PLEKHF1: variants seen among roughly 807,000 people sequenced by gnomAD.
The protein encoded by PLEKHF1 is pleckstrin homology domain-containing family F member 1.
A neutral mutation model predicts 4.1 loss-of-function variants in PLEKHF1; 1 was observed. The ratio of observed to expected loss-of-function variants is 0.24; its 90% CI spans 0.09 to 1.15. PLEKHF1 has a LOEUF of 1.15. Among genes scored for constraint, PLEKHF1 ranks in the 50% most tolerant of loss-of-function variants. The pLI is 0.52. For synonymous variants in PLEKHF1, 182 were observed against 178.5 expected (o/e 1.02, Z -0.16); for missense variants, 429 against 400.6 (o/e 1.07, Z -0.60).
At chr19:29,668,789 GA>G (rs951626487) in intron 1 of PLEKHF1, among the ~76,000 whole-genome samples, 11 of 151,986 alleles carry the variant, frequency 7.2e-5, no homozygotes, top group Non-Finnish European at 1.5e-4. Context: ...TATTTGCCAA[GA>G]AAAACCTACA....
intron 1 of PLEKHF1, among the ~76,000 whole-genome samples, chr19:29,667,768 G>A (rs1050294412): frequency 2.0e-5 from 3 of 152,220 alleles, no homozygotes; most frequent in African/African-American, 7.2e-5. Flanking sequence ...AGTACCTTGT[G>A]TGGCCTGTTC....
chr19:29,669,462 C>A (rs568572260), intron 1 of PLEKHF1, among the ~76,000 whole-genome samples: 1 of 152,220 alleles, frequency 6.6e-6, no homozygotes, highest in Non-Finnish European at 1.5e-5. Context: ...TGGGGGCACA[C>A]GTGGCCTTGC....
At chr19:29,669,737 T>TG (rs1240139294) in intron 1 of PLEKHF1, among the ~76,000 whole-genome samples, 1 of 152,204 alleles carries the variant, frequency 6.6e-6, no homozygotes, top group African/African-American at 2.4e-5. Flanking sequence ...TTAAAAAAAC[T>TG]TTTTTAAAAA....
intron 1 of PLEKHF1, among the ~76,000 whole-genome samples, chr19:29,669,747 A>G (rs144211375): frequency 8.5e-5 from 13 of 152,340 alleles, no homozygotes; most frequent in Middle Eastern, 3.4e-3. Context: ...TTTTTTAAAA[A>G]TGAAACCTTA....
rs749621521 is a variant in PLEKHF1 at position 29,674,729 on chromosome 19, C to T, written c.*50C>T. Reference sequence around the variant, plus strand: ...CCCAAGCCAGCTCCACTGCCCAGGCCCCCAAGAGGGCAGCTCCAGAAGCTG... The same window carrying T: ...CCCAAGCCAGCTCCACTGCCCAGGCTCCCAAGAGGGCAGCTCCAGAAGCTG... On this transcript the variant is annotated 3_prime_UTR_variant, in exon 2 of 2. Coordinates refer to ENST00000436066, the MANE Select transcript of PLEKHF1 (RefSeq NM_024310.5). 9.1e-6 allele frequency: 14 copies of T among 1,531,460 alleles called. No individual in the cohort carries two copies. The highest frequency in any genetic ancestry group is 7.6e-5 in the South Asian group (6 of 79,244). The allele number at this position is 1,531,460 out of a possible 1,614,324, so 94.9% of individuals were successfully genotyped here.
chr19:29,674,825 G>T lies in PLEKHF1; in HGVS notation c.*146G>T. 1 of 1,244,244 alleles carries T rather than the reference G, an allele frequency of 8.0e-7. No individual in the cohort carries two copies. The highest frequency in any genetic ancestry group is 1.1e-6 in the Non-Finnish European group (1 of 916,216). 77.1% of individuals were successfully genotyped at this position (1,244,244 alleles called of 1,614,324 possible). ...GGGAGTGGCTCTTTCTGGACTCCCA[G>T]TGCCTTTTTGCTGGACACTGTGTCC... On this transcript the variant is annotated 3_prime_UTR_variant, in exon 2 of 2. Coordinates refer to ENST00000436066, the MANE Select transcript of PLEKHF1 (RefSeq NM_024310.5).
chr19:29,673,905 C>T lies in PLEKHF1; in HGVS notation c.66C>T (p.Phe22=), dbSNP rs749347941. 1.5e-5 allele frequency: 24 copies of T among 1,612,260 alleles called. No homozygotes were observed. The highest frequency in any genetic ancestry group is 4.4e-5 in the South Asian group (4 of 90,992). The change falls in exon 2 of 2, where the codon TTC becomes TTT. Residue 22 remains phenylalanine (F), a synonymous_variant. Coordinates refer to ENST00000436066, the MANE Select transcript of PLEKHF1 (RefSeq NM_024310.5). ...GCATCGCGGCAGTGGAGAGCTGCTTCGGGGCCTCGGGGCAGCCGCTGGCGC... is the reference window on the plus strand; with the variant it reads ...GCATCGCGGCAGTGGAGAGCTGCTTTGGGGCCTCGGGGCAGCCGCTGGCGC... The part of the protein sequence containing the change: ...SQRIAAVESC[F]GASGQPLALP...
At position 29,674,686 on chromosome 19, in the gene PLEKHF1, G is replaced by C. The variant is rs745924165; in HGVS notation, c.*7G>C. 6.3e-7 allele frequency: 1 copy of C among 1,589,188 alleles called. No homozygotes were observed. Among genetic ancestry groups the C allele is most frequent in the Non-Finnish European group, 8.6e-7 (1 of 1,165,642 alleles). On this transcript the variant is annotated 3_prime_UTR_variant, in exon 2 of 2. Coordinates refer to ENST00000436066, the MANE Select transcript of PLEKHF1 (RefSeq NM_024310.5). ...GTCTGCCTTCCACAGCTGACCCCCG[G>C]CCTGCAGAACATCTGTCCCCAAGCC... is the stretch of plus-strand genomic sequence containing the variant.
At chr19:29,670,420 C>T (rs1971617845) in intron 1 of PLEKHF1, among the ~76,000 whole-genome samples, 1 of 152,190 alleles carries the variant, frequency 6.6e-6, no homozygotes, top group Non-Finnish European at 1.5e-5. Context: ...AGCATGATGT[C>T]CTCAGGGCTC....
chr19:29,671,049 C>T lies in PLEKHF1; in HGVS notation c.-16-2775C>T, dbSNP rs1971626617. 6.6e-6 allele frequency among the ~76,000 whole-genome samples: 1 copy of T among 151,796 alleles called. No individual in the cohort carries two copies. The highest frequency in any genetic ancestry group is 1.5e-5 in the Non-Finnish European group (1 of 67,904). On this transcript the variant is annotated intron_variant, in intron 1 of 1. Coordinates refer to ENST00000436066, the MANE Select transcript of PLEKHF1 (RefSeq NM_024310.5). This position sits in a 1 kb window ranked among gnomAD's most constrained non-coding sequence, Gnocchi z 4.0. Reference sequence around the variant, plus strand: ...ATCAGCAGTGCACAGTTTCCAGTTTCTCCACACCCTCACCAACACTTGTTA... The same window carrying T: ...ATCAGCAGTGCACAGTTTCCAGTTTTTCCACACCCTCACCAACACTTGTTA...
rs1971680099 is a variant in PLEKHF1 at position 29,674,556 on chromosome 19, C to T, written c.717C>T (p.Cys239=). ...GQPAHLARPI[C]GASSGDDDDS... is the part of the protein sequence containing the mutation. ...CAGCCCACCTGGCCCGGCCCATCTG[C>T]GGAGCGTCCAGTGGAGATGACGATG... is the stretch of plus-strand genomic sequence containing the variant. The change falls in exon 2 of 2, where the codon TGC becomes TGT. Residue 239 remains cysteine (C), a synonymous_variant. Transcript: ENST00000436066. The T allele has an allele frequency of 1.9e-6, 3 of 1,594,076 alleles. No homozygotes were observed. The East Asian group carries it at 6.9e-5, about 36-fold the overall frequency.
rs766589864 is a variant in PLEKHF1 at position 29,674,429 on chromosome 19, C to T, written c.590C>T (p.Ser197Phe). 19 of 1,530,578 alleles carry T rather than the reference C, an allele frequency of 1.2e-5. No individual in the cohort carries two copies. The highest frequency in any genetic ancestry group is 1.7e-5 in the Non-Finnish European group (19 of 1,142,180). 94.8% of individuals were successfully genotyped at this position (1,530,578 alleles called of 1,614,324 possible). A position where few individuals can be genotyped will look rare whatever the true frequency, so the allele number is the denominator to read the frequency against. The change falls in exon 2 of 2, where the codon TCC (serine) becomes TTC (phenylalanine). Residue 197 changes from serine to phenylalanine, a missense_variant. Coordinates refer to ENST00000436066, the MANE Select transcript of PLEKHF1 (RefSeq NM_024310.5). The part of the protein sequence containing the change: ...SRQRFLLPRL[S>F]PKPVRVCSLC... ...CAGCGCTTCCTGCTCCCGCGCCTGT[C>T]CCCCAAGCCCGTGCGCGTCTGCAGC... is the stretch of plus-strand genomic sequence containing the variant.
chr19:29,673,157 T>C (rs141344635), intron 1 of PLEKHF1, among the ~76,000 whole-genome samples: 38 of 152,252 alleles, frequency 2.5e-4, no homozygotes, highest in Admixed American at 9.8e-4. Flanking sequence ...GTGCTTGTGA[T>C]GGTGGTGGTG....
Position 29,671,974 on chromosome 19 carries a change from T to A in PLEKHF1, c.-16-1850T>A, listed in dbSNP as rs1971635738. On this transcript the variant is annotated intron_variant, in intron 1 of 1. Transcript: ENST00000436066. This position sits in a 1 kb window ranked among gnomAD's most constrained non-coding sequence, Gnocchi z 4.0. ...GTCATGCATGGTGGGCCTTGGGACC[T>A]GCTTGGAACCGTGCCAAGCTACTTA... Among the ~76,000 whole-genome samples, 1 of 151,754 alleles carries A rather than the reference T, an allele frequency of 6.6e-6. No homozygotes were observed. Among genetic ancestry groups the A allele is most frequent in the Admixed American group, 6.6e-5 (1 of 15,182 alleles).
chr19:29,670,384 C>A (rs187095669), intron 1 of PLEKHF1, among the ~76,000 whole-genome samples: 12 of 152,276 alleles, frequency 7.9e-5, no homozygotes, highest in African/African-American at 2.9e-4. Context: ...CAGTATTTGT[C>A]CTTTTGTGAT....
rs759539825 is a variant in PLEKHF1 at position 29,674,304 on chromosome 19, G to T, written c.465G>T (p.Thr155=). 62 of 1,590,948 alleles carry T rather than the reference G, an allele frequency of 3.9e-5. No homozygotes were observed. The South Asian group carries it at 6.8e-4, about 17-fold the overall frequency. ...HAAPWIPDKA[T]DICMRCTQTR... ...CACCCTGGATCCCCGACAAGGCCAC[G>T]GACATCTGCATGCGCTGCACGCAGA... is the stretch of plus-strand genomic sequence containing the variant. The change falls in exon 2 of 2, where the codon ACG becomes ACT. Residue 155 remains threonine, a synonymous_variant. Coordinates refer to ENST00000436066, the MANE Select transcript of PLEKHF1 (RefSeq NM_024310.5).
At chr19:29,673,564 A>C (rs1971654762) in intron 1 of PLEKHF1, among the ~76,000 whole-genome samples, 1 of 152,090 alleles carries the variant, frequency 6.6e-6, no homozygotes, top group Non-Finnish European at 1.5e-5. Context: ...AGCACACTTT[A>C]TCACTGCCTT....
chr19:29,665,583 C>T, intron 1 of PLEKHF1, 78 bp downstream of exon 1: 12 of 1,237,752 alleles, frequency 9.7e-6, no homozygotes, highest in Non-Finnish European at 1.2e-5. Context: ...ATCACCACCC[C>T]CGGACAAGCG....
Position 29,671,681 on chromosome 19 carries a change from T to C in PLEKHF1, c.-16-2143T>C, listed in dbSNP as rs112580961. The stretch of plus-strand genomic sequence containing the variant: ...TTACGTAAGGTAGTGTGGGCAGCCC[T>C]TCTCAGGACACTTGTGATCTGCAGG... On this transcript the variant is annotated intron_variant, in intron 1 of 1. Transcript: ENST00000436066. The surrounding 1 kb of genome is among the most constrained non-coding windows in gnomAD (Gnocchi z 4.0). Among the ~76,000 whole-genome samples, 1,580 of 152,258 alleles carry C rather than the reference T, an allele frequency of 0.01. 38 individuals are homozygous for C. The highest frequency in any genetic ancestry group is 0.035 in the African/African-American group (1,453 of 41,534).
Sources: gnomAD v4.1 joint callset for allele counts (sites outside exome capture counted in the v4.1 genomes callset) on GRCh38, gnomAD v4.1.1 for gene constraint, Gnocchi (gnomAD v3.1) non-coding constraint, MANE v1.5 for transcripts, NCBI Gene and HGNC (gene_info 2026-07-23, HGNC 2026-07-21) for gene names.